The following CCNH variants were observed in gnomAD, a reference collection of about 807,000 sequenced individuals.
CCNH encodes cyclin H.
CCNH carries 31 observed loss-of-function variants against 41.9 expected under a neutral mutation model. The ratio of observed to expected loss-of-function variants is 0.74; its 90% CI spans 0.56 to 1.00. The LOEUF (loss-of-function observed/expected upper bound fraction) is 1.00. Ranked by LOEUF, CCNH falls within the 50% of genes least tolerant of loss-of-function variation. The pLI, the probability that CCNH is intolerant of heterozygous loss-of-function variation, is 0.00. For missense variants in CCNH, 362 were observed against 388.4 expected, an observed-to-expected ratio of 0.93 and a Z score of 0.57; for synonymous variants, 138 against 136.1, an observed-to-expected ratio of 1.01 and a Z score of -0.10.
At chr5:87,322,115 T>C (rs1395094472) in intron 9 of CCNH, among the ~76,000 whole-genome samples, 2 of 152,128 alleles carry the variant, frequency 1.3e-5, no homozygotes, top group Non-Finnish European at 2.9e-5. Context: ...AATGGTTTGC[T>C]GCCCTCCCCT....
chr5:87,337,599 A>T (rs1055312288), intron 9 of CCNH, among the ~76,000 whole-genome samples: 7 of 152,132 alleles, frequency 4.6e-5, no homozygotes, highest in Non-Finnish European at 7.4e-5. Flanking sequence ...CTGAAAGAGT[A>T]ATAACATTGA....
At chr5:87,373,193 T>C (rs551294754), downstream of CCNH, among the ~76,000 whole-genome samples, 2 of 152,316 alleles carry the variant, frequency 1.3e-5, no homozygotes, top group South Asian at 2.1e-4. Flanking sequence ...TTACATATAC[T>C]GTCAGCCCTT....
At chr5:87,369,045 T>C (rs1169497328) in intron 9 of CCNH, among the ~76,000 whole-genome samples, 1 of 152,188 alleles carries the variant, frequency 6.6e-6, no homozygotes, top group African/African-American at 2.4e-5. Flanking sequence ...TAATAAGTGT[T>C]AAGCTTGTCC....
chr5:87,342,498 C>T (rs1758545451), intron 9 of CCNH, among the ~76,000 whole-genome samples: 1 of 152,152 alleles, frequency 6.6e-6, no homozygotes, highest in South Asian at 2.1e-4. Context: ...AAGAATCAGA[C>T]AGACAATGTA....
chr5:87,338,784 C>CT (rs1341216510), intron 9 of CCNH, among the ~76,000 whole-genome samples: 18 of 151,206 alleles, frequency 1.2e-4, no homozygotes, highest in Non-Finnish European at 2.7e-4. Flanking sequence ...GTTTTAGATT[C>CT]TTTATCTTTC....
chr5:87,367,654 T>C (rs138112806), intron 9 of CCNH, among the ~76,000 whole-genome samples: 1 of 152,362 alleles, frequency 6.6e-6, no homozygotes, highest in Non-Finnish European at 1.5e-5. Flanking sequence ...ACAAAGTTAT[T>C]CTAGTGACTA....
At chr5:87,364,498 C>T (rs750536570) in intron 9 of CCNH, among the ~76,000 whole-genome samples, 4 of 152,040 alleles carry the variant, frequency 2.6e-5, no homozygotes, top group African/African-American at 7.2e-5. Flanking sequence ...ATTCATTTTA[C>T]GAAGATACCC....
intron 9 of CCNH, among the ~76,000 whole-genome samples, chr5:87,332,922 T>G (rs993049422): frequency 6.6e-6 from 1 of 152,150 alleles, no homozygotes; most frequent in Non-Finnish European, 1.5e-5. Context: ...AATTACTGAT[T>G]TCATAGTATT....
downstream of CCNH, among the ~76,000 whole-genome samples, chr5:87,389,805 CTAGT>C (rs1288795474): frequency 2.0e-5 from 3 of 152,200 alleles, no homozygotes; most frequent in South Asian, 2.1e-4. Flanking sequence ...GTGAAAATGG[CTAGT>C]TAGTAAGTCA....
At position 87,411,206 on chromosome 5, in the gene CCNH, A is replaced by C; in HGVS notation, c.240+18T>G. 2 of 1,600,382 alleles carry C rather than the reference A, an allele frequency of 1.2e-6. No individual in the cohort carries two copies. The highest frequency in any genetic ancestry group is 1.7e-4 in the Middle Eastern group (1 of 6,022). On this transcript the variant is annotated intron_variant, in intron 2 of 8. Transcript: ENST00000256897. ...AGCCAACTAAAGGACATTATATTTCATCACCACTGTAACTTACCACAACAG... is the reference window on the plus strand; with the variant it reads ...AGCCAACTAAAGGACATTATATTTCCTCACCACTGTAACTTACCACAACAG...
chr5:87,381,462 CTG>C (rs1482987896), upstream of CCNH, among the ~76,000 whole-genome samples: 13 of 152,206 alleles, frequency 8.5e-5, no homozygotes, highest in Non-Finnish European at 1.5e-4. Context: ...AGAATATACA[CTG>C]TCATGTCATG....
intron 9 of CCNH, among the ~76,000 whole-genome samples, chr5:87,385,603 G>A (rs1023612315): frequency 7.2e-5 from 11 of 151,984 alleles, no homozygotes; most frequent in South Asian, 2.1e-4. Flanking sequence ...TATAGAAAAC[G>A]AATTTTTCAA....
chr5:87,391,467 G>A, downstream of CCNH: 1 of 240,190 alleles, frequency 4.2e-6, no homozygotes, highest in Non-Finnish European at 8.2e-6. Context: ...TGCTGGAACT[G>A]TTGAAAGAAA....
chr5:87,353,127 G>C, intron 9 of CCNH: 2 of 1,555,254 alleles, frequency 1.3e-6, no homozygotes, highest in Non-Finnish European at 1.8e-6. Context: ...TTATGAGACA[G>C]ATTAATACTA....
chr5:87,408,824 CT>C (rs1404198486), intron 3 of CCNH, among the ~76,000 whole-genome samples: 3 of 152,174 alleles, frequency 2.0e-5, no homozygotes, highest in African/African-American at 4.8e-5. Flanking sequence ...TGAGAGCAAA[CT>C]CTTTGATGAG....
downstream of CCNH, among the ~76,000 whole-genome samples, chr5:87,387,104 T>C (rs914800733): frequency 2.0e-5 from 3 of 152,168 alleles, no homozygotes; most frequent in African/African-American, 4.8e-5. Context: ...CTAAATAGTT[T>C]ACACCAAAGC....
At chr5:87,382,043 C>G (rs1224472016), upstream of CCNH, among the ~76,000 whole-genome samples, 1 of 152,114 alleles carries the variant, frequency 6.6e-6, no homozygotes, top group African/African-American at 2.4e-5. Context: ...CCCCCGCCTC[C>G]CAGGTTCAAG....
intron 9 of CCNH, chr5:87,332,777 A>C (rs1757690721): frequency 1.1e-6 from 1 of 912,956 alleles, no homozygotes. Context: ...TCGGGTTATA[A>C]TGTCAGAACA....
At chr5:87,399,887 C>T (rs1272081549) in intron 6 of CCNH, among the ~76,000 whole-genome samples, 1 of 152,108 alleles carries the variant, frequency 6.6e-6, no homozygotes, top group Non-Finnish European at 1.5e-5. Context: ...TATTCTATTC[C>T]ATAGACAGTG....
Sources: gnomAD v4.1 joint callset for allele counts (sites outside exome capture counted in the v4.1 genomes callset) on GRCh38, gnomAD v4.1.1 for gene constraint, MANE v1.5 for transcripts, NCBI Gene and HGNC (gene_info 2026-07-23, HGNC 2026-07-21) for gene names.